The following ADAM19 variants were observed in gnomAD, a reference collection of about 807,000 sequenced individuals.
The protein encoded by ADAM19 is ADAM metallopeptidase domain 19, also known as disintegrin and metalloproteinase domain-containing protein 19.
A neutral mutation model predicts 114.7 loss-of-function variants in ADAM19; 65 were observed. The observed-to-expected ratio is 0.57, with a 90% CI of 0.46 to 0.70. The LOEUF (loss-of-function observed/expected upper bound fraction) is 0.70. Ranked by LOEUF, ADAM19 falls within the 30% of genes least tolerant of loss-of-function variation. The pLI is 0.00. For missense variants in ADAM19, 1,063 were observed against 1,204.7 expected (o/e 0.88, Z 1.74); for synonymous variants, 466 against 460.5 (o/e 1.01, Z -0.15).
chr5:157,513,374 A>G (rs780308641), intron 8 of ADAM19, 60 bp downstream of exon 8: 52 of 1,528,548 alleles, frequency 3.4e-5, no homozygotes, highest in Non-Finnish European at 5.4e-6. Context: ...AGGCAGCTCC[A>G]GTGCCCTTGG....
intron 5 of ADAM19, among the ~76,000 whole-genome samples, chr5:157,520,644 T>C (rs1282283700): frequency 6.6e-6 from 1 of 152,230 alleles, no homozygotes; most frequent in Non-Finnish European, 1.5e-5. Context: ...AATGATAACT[T>C]ATCAAGACTA....
At chr5:157,535,853 T>G (rs1756748373) in intron 4 of ADAM19, among the ~76,000 whole-genome samples, 1 of 152,164 alleles carries the variant, frequency 6.6e-6, no homozygotes, top group African/African-American at 2.4e-5. Flanking sequence ...GGTACAGAAG[T>G]GGCAGGATCC....
intron 11 of ADAM19, among the ~76,000 whole-genome samples, chr5:157,503,408 G>A (rs1755631157): frequency 6.6e-6 from 1 of 151,872 alleles, no homozygotes; most frequent in Non-Finnish European, 1.5e-5. Context: ...CGAGTTAATG[G>A]GTGCAGCACA....
At chr5:157,569,296 T>C (rs1320519798) in intron 2 of ADAM19, among the ~76,000 whole-genome samples, 1 of 147,522 alleles carries the variant, frequency 6.8e-6, no homozygotes, top group Non-Finnish European at 1.5e-5. Context: ...TGGAGGACAG[T>C]GATGCTGATG....
Position 157,477,424 on chromosome 5 carries a change from C to T in ADAM19, c.*3525G>A. On this transcript the variant is annotated 3_prime_UTR_variant, in exon 23 of 23. Transcript: ENST00000257527. ...ATATTGTAAACAATTAATAGGTGGACAAGAGAGAAGAAGATCTGTTTTCCG... is the reference window on the plus strand; with the variant it reads ...ATATTGTAAACAATTAATAGGTGGATAAGAGAGAAGAAGATCTGTTTTCCG... 1 of 1,027,200 alleles carries T rather than the reference C, an allele frequency of 9.7e-7. No homozygotes were observed. The highest frequency in any genetic ancestry group is 1.2e-6 in the Non-Finnish European group (1 of 852,618). The allele number at this position is 1,027,200 out of a possible 1,614,324, so 63.6% of individuals were successfully genotyped here.
intron 11 of ADAM19, among the ~76,000 whole-genome samples, chr5:157,505,452 G>C (rs546088713): frequency 2.0e-4 from 30 of 152,292 alleles, no homozygotes; most frequent in Admixed American, 7.8e-4. Context: ...AATAAATCTA[G>C]GGTTACACCA....
intron 4 of ADAM19, among the ~76,000 whole-genome samples, chr5:157,532,691 C>T (rs994365859): frequency 1.3e-5 from 2 of 152,192 alleles, no homozygotes; most frequent in Non-Finnish European, 2.9e-5. Context: ...TAGGACCATG[C>T]TGCTTGCAGT....
intron 3 of ADAM19, among the ~76,000 whole-genome samples, chr5:157,559,578 C>A (rs781340867): frequency 2.6e-5 from 4 of 152,176 alleles, no homozygotes; most frequent in Admixed American, 6.5e-5. Context: ...TAACCCTGTT[C>A]ATCTCCCTGG....
At chr5:157,575,580 TC>T in intron 1 of ADAM19, 22 bp downstream of exon 1, 10 of 1,439,796 alleles carry the variant, frequency 6.9e-6, no homozygotes, top group South Asian at 4.0e-5. Flanking sequence ...CCAGCCTCCA[TC>T]CCCCCGCGCC....
At chr5:157,508,482 G>A (rs1755815456) in intron 9 of ADAM19, among the ~76,000 whole-genome samples, 1 of 151,992 alleles carries the variant, frequency 6.6e-6, no homozygotes, top group Non-Finnish European at 1.5e-5. Flanking sequence ...GGTGGTGCAT[G>A]CCTGCTACTT....
intron 12 of ADAM19, among the ~76,000 whole-genome samples, chr5:157,501,127 A>G (rs1755549819): frequency 6.6e-6 from 1 of 152,216 alleles, no homozygotes; most frequent in African/African-American, 2.4e-5. Context: ...GAGAAGGAAT[A>G]GAACACTTTC....
rs1177543160 is a variant in ADAM19, at chr5:157,539,608, C to T, written c.252-1617G>A. ...TTGGACAAGAAGAAAAGAAGCCCAACAGGAAAATGTAAAAATAAAGCAAAG... is the reference window on the plus strand; with the variant it reads ...TTGGACAAGAAGAAAAGAAGCCCAATAGGAAAATGTAAAAATAAAGCAAAG... On this transcript the variant is annotated intron_variant, in intron 3 of 22. Coordinates refer to ENST00000257527, the MANE Select transcript of ADAM19 (RefSeq NM_033274.5). Among the ~76,000 whole-genome samples the T allele has an allele frequency of 2.6e-5, 4 of 152,184 alleles. No individual in the cohort carries two copies. In the East Asian group the frequency reaches 7.7e-4, roughly 29 times the overall value.
chr5:157,527,588 C>T (rs1561544288), intron 5 of ADAM19, among the ~76,000 whole-genome samples: 2 of 152,174 alleles, frequency 1.3e-5, no homozygotes, highest in Non-Finnish European at 2.9e-5. Flanking sequence ...AGACTGCTCC[C>T]ATGATTCAAT....
intron 5 of ADAM19, among the ~76,000 whole-genome samples, chr5:157,522,678 CAGG>C (rs1247299722): frequency 6.6e-6 from 1 of 152,096 alleles, no homozygotes; most frequent in Non-Finnish European, 1.5e-5. Flanking sequence ...CCCAGCTACT[CAGG>C]AGGCTGAGGC....
intron 7 of ADAM19, among the ~76,000 whole-genome samples, chr5:157,516,505 G>A (rs1198701786): frequency 1.3e-5 from 2 of 152,154 alleles, no homozygotes; most frequent in Non-Finnish European, 2.9e-5. Context: ...TCCAGCTGCT[G>A]GAGATTCACA....
intron 3 of ADAM19, among the ~76,000 whole-genome samples, chr5:157,552,585 A>G (rs1035738926): frequency 6.7e-6 from 1 of 149,400 alleles, no homozygotes; most frequent in Non-Finnish European, 1.5e-5. Context: ...AGGCTGAGAC[A>G]GGAGAATTGC....
rs1395889562 is a variant in ADAM19, at chr5:157,499,643, C to A, written c.1328G>T (p.Cys443Phe). The A allele has an allele frequency of 1.9e-6, 3 of 1,612,144 alleles. No homozygotes were observed. The highest frequency in any genetic ancestry group is 2.5e-6 in the Non-Finnish European group (3 of 1,179,212). ...CCTCAGGGTACAATTAGAGGCATTG[C>A]AGCAGGGGTTGTTACATTCCTGGGG... Reference protein sequence around the residue: ...GEEEECNNPCCNASNCTLRPG... With the variant: ...GEEEECNNPCFNASNCTLRPG... Residue 443 changes from cysteine (C) to phenylalanine (F), a missense_variant, in exon 13 of 23, where the codon TGC becomes TTC. Cys to Phe is a radical substitution (Grantham distance 205). Around this residue, in one of 3 missense-constraint regions of ADAM19, gnomAD observed 615 missense variants for 706.3 expected, o/e 0.87. Transcript: ENST00000257527.
At position 157,480,197 on chromosome 5, in the gene ADAM19, G is replaced by A. The variant is rs1581279304; in HGVS notation, c.*752C>T. 1 of 986,174 alleles carries A rather than the reference G, an allele frequency of 1.0e-6. No homozygotes were observed. Among genetic ancestry groups the A allele is most frequent in the Non-Finnish European group, 1.2e-6 (1 of 830,086 alleles). The allele number at this position is 986,174 out of a possible 1,614,324, so 61.1% of individuals were successfully genotyped here. A position where few individuals can be genotyped will look rare whatever the true frequency, so the allele number is the denominator to read the frequency against. The stretch of plus-strand genomic sequence containing the variant: ...GAAAGTGCGGCAGAGAAAACAAAGA[G>A]CAACTAAAAATTATCCAGAGTCAGG... On this transcript the variant is annotated 3_prime_UTR_variant, in exon 23 of 23. Transcript: ENST00000257527.
At position 157,480,848 on chromosome 5, in the gene ADAM19, A is replaced by T; in HGVS notation, c.*101T>A. The T allele has an allele frequency of 6.4e-7, 1 of 1,572,748 alleles. No individual in the cohort carries two copies. The highest frequency in any genetic ancestry group is 8.6e-7 in the Non-Finnish European group (1 of 1,161,590). On this transcript the variant is annotated 3_prime_UTR_variant, in exon 23 of 23. Transcript: ENST00000257527. The stretch of plus-strand genomic sequence containing the variant: ...GAGGTTCCTGGAGGAGGGTGGGAGG[A>T]GCTCAGAGGCGGCCAGACATGCTTC...
Sources: gnomAD v4.1 joint callset for allele counts (sites outside exome capture counted in the v4.1 genomes callset) on GRCh38, gnomAD v4.1.1 for gene constraint, gnomAD v4.1.1 regional missense constraint, MANE v1.5 for transcripts, NCBI Gene and HGNC (gene_info 2026-07-23, HGNC 2026-07-21) for gene names.